The following CACNA1B variants were observed in gnomAD, a reference collection of about 807,000 sequenced individuals.
The protein encoded by CACNA1B is voltage-dependent N-type calcium channel subunit alpha-1B.
Under a neutral mutation model 247.2 loss-of-function variants are expected in CACNA1B, and 70 were observed. The observed-to-expected ratio is 0.28, with a 90% CI of 0.23 to 0.35. The LOEUF is 0.35. Ranked by LOEUF, CACNA1B falls within the 10% of genes least tolerant of loss-of-function variation. CACNA1B has a pLI of 1.00. For synonymous variants in CACNA1B, 1,231 were observed against 1,294.4 expected, an observed-to-expected ratio of 0.95 and a Z score of 1.05; for missense variants, 2,367 against 3,197.4, an observed-to-expected ratio of 0.74 and a Z score of 6.26.
chr9:137,961,228 G>A (rs1027113610), intron 10 of CACNA1B, among the ~76,000 whole-genome samples: 2 of 152,142 alleles, frequency 1.3e-5, no homozygotes, highest in African/African-American at 4.8e-5. Flanking sequence ...GAATGCTGGC[G>A]ATTTTTGAAC....
At chr9:138,092,094 A>G (rs188443204) in intron 36 of CACNA1B, among the ~76,000 whole-genome samples, 170 of 152,376 alleles carry the variant, frequency 1.1e-3, no homozygotes, top group Non-Finnish European at 2.8e-4. Context: ...GAGCAAGATC[A>G]CAAGGCCAGG....
intron 6 of CACNA1B, among the ~76,000 whole-genome samples, chr9:137,920,649 A>G (rs1957466975): frequency 6.6e-6 from 1 of 152,206 alleles, no homozygotes; most frequent in African/African-American, 2.4e-5. Flanking sequence ...CCATGTTTGG[A>G]GGCGCAGTGG....
chr9:138,054,223 G>A lies in CACNA1B; in HGVS notation c.3968+217G>A, dbSNP rs1959409354. On this transcript the variant is annotated intron_variant, in intron 26 of 46. Coordinates refer to ENST00000371372, the MANE Select transcript of CACNA1B (RefSeq NM_000718.4). The surrounding 1 kb of genome is among the most constrained non-coding windows in gnomAD (Gnocchi z 4.6). ...ATCCCCTCCCCAGCACCACACCAGG[G>A]ACCCCCAGCACTTCCTCCTCAGCAG... is the stretch of plus-strand genomic sequence containing the variant. 6.6e-6 allele frequency among the ~76,000 whole-genome samples: 1 copy of A among 152,210 alleles called. No individual in the cohort carries two copies. Among genetic ancestry groups the A allele is most frequent in the Admixed American group, 6.5e-5 (1 of 15,280 alleles).
chr9:138,058,327 A>G lies in CACNA1B; in HGVS notation c.4308+77A>G. The G allele has an allele frequency of 7.8e-7, 1 of 1,283,690 alleles. No homozygotes were observed. The highest frequency in any genetic ancestry group is 1.5e-5 in the African/African-American group (1 of 68,070). The allele number at this position is 1,283,690 out of a possible 1,614,324, so 79.5% of individuals were successfully genotyped here. ...CAGGCTTCCCTCCTGCACACAAATCACTCACAGCTGGGTCAGCTTTGGCTG... is the reference window on the plus strand; with the variant it reads ...CAGGCTTCCCTCCTGCACACAAATCGCTCACAGCTGGGTCAGCTTTGGCTG... On this transcript the variant is annotated intron_variant, in intron 28 of 46. Transcript: ENST00000371372. The surrounding 1 kb of genome is among the most constrained non-coding windows in gnomAD (Gnocchi z 4.7).
rs1554737971 is a variant in CACNA1B, at chr9:137,954,856, T to TG, written c.1071-842_1071-841insG. Among the ~76,000 whole-genome samples the TG allele has an allele frequency of 2.5e-5, 3 of 120,946 alleles. No homozygotes were observed. Among genetic ancestry groups the TG allele is most frequent in the African/African-American group, 1.2e-4 (3 of 25,258 alleles). The allele number at this position is 120,946 out of a possible 152,430, so 79.3% of individuals were successfully genotyped here. A position where few individuals can be genotyped will look rare whatever the true frequency, so the allele number is the denominator to read the frequency against. ...ACACCCACTCCACCAACTCAGAAGC[T>TG]TGTGTGTGTGTGTGTGTGTGTGTGA... On this transcript the variant is annotated intron_variant, in intron 7 of 46. Coordinates refer to ENST00000371372, the MANE Select transcript of CACNA1B (RefSeq NM_000718.4). The surrounding 1 kb of genome is among the most constrained non-coding windows in gnomAD (Gnocchi z 4.1).
intron 20 of CACNA1B, 127 bp downstream of exon 20, chr9:138,025,299 A>G: frequency 1.5e-6 from 1 of 650,556 alleles, no homozygotes; most frequent in Non-Finnish European, 2.8e-6. Context: ...TCCTGGCTGG[A>G]GAGAGAGTCC....
intron 15 of CACNA1B, among the ~76,000 whole-genome samples, chr9:137,999,729 A>G (rs990633566): frequency 3.3e-5 from 5 of 151,834 alleles, no homozygotes; most frequent in Non-Finnish European, 5.9e-5. Flanking sequence ...GCTGGTCTCA[A>G]ACTCAGTGGG....
chr9:138,114,289 G>A, intron 40 of CACNA1B, 89 bp from the exon 41 acceptor site: 1 of 688,488 alleles, frequency 1.5e-6, no homozygotes, highest in Non-Finnish European at 2.6e-6. Context: ...CGAGGGAGGG[G>A]CGGCTGTTTC....
At position 138,059,840 on chromosome 9, in the gene CACNA1B, G is replaced by A; in HGVS notation, c.4668+103G>A. The A allele has an allele frequency of 2.7e-6, 2 of 732,924 alleles. No homozygotes were observed. Among genetic ancestry groups the A allele is most frequent in the Non-Finnish European group, 2.5e-6 (1 of 407,422 alleles). The allele number at this position is 732,924 out of a possible 1,614,324, so 45.4% of individuals were successfully genotyped here. A position where few individuals can be genotyped will look rare whatever the true frequency, so the allele number is the denominator to read the frequency against. On this transcript the variant is annotated intron_variant, in intron 31 of 46. Coordinates refer to ENST00000371372, the MANE Select transcript of CACNA1B (RefSeq NM_000718.4). The surrounding 1 kb of genome is among the most constrained non-coding windows in gnomAD (Gnocchi z 4.2). Reference sequence around the variant, plus strand: ...AGGCCCTGTGTTAGCCTCTTCCTGGGTTCCGCAGAACCCCCTGGACATGTG... The same window carrying A: ...AGGCCCTGTGTTAGCCTCTTCCTGGATTCCGCAGAACCCCCTGGACATGTG...
In CACNA1B at chr9:138,052,077, G is replaced by C. The variant is rs372208736; in HGVS notation, c.3711-15G>C. On this transcript the variant is annotated splice_polypyrimidine_tract_variant and intron_variant, in intron 24 of 46. Transcript: ENST00000371372. The surrounding 1 kb of genome is among the most constrained non-coding windows in gnomAD (Gnocchi z 5.1). ...TGCCTCCTGCCTGTCTGCATCTGTGGCTTCTCCCTTCTAGAGGATCCAAAG... is the reference window on the plus strand; with the variant it reads ...TGCCTCCTGCCTGTCTGCATCTGTGCCTTCTCCCTTCTAGAGGATCCAAAG... 2 of 1,514,162 alleles carry C rather than the reference G, an allele frequency of 1.3e-6. No individual in the cohort carries two copies. Among genetic ancestry groups the C allele is most frequent in the East Asian group, 4.5e-5 (2 of 44,296 alleles). The allele number at this position is 1,514,162 out of a possible 1,614,324, so 93.8% of individuals were successfully genotyped here.
intron 20 of CACNA1B, among the ~76,000 whole-genome samples, chr9:138,034,683 T>C (rs1285027757): frequency 2.6e-5 from 4 of 152,106 alleles, no homozygotes; most frequent in Non-Finnish European, 4.4e-5. Flanking sequence ...AAGAAACTTA[T>C]TGTTGTGTCA....
chr9:137,888,880 A>T lies in CACNA1B; in HGVS notation c.530+5997A>T. ...GCTCAGGGCCCCACAGAGGGTCCCC[A>T]TGGGCAAGGAGGGTCCACCCAGGGG... is the stretch of plus-strand genomic sequence containing the variant. On this transcript the variant is annotated intron_variant, in intron 3 of 46. Coordinates refer to ENST00000371372, the MANE Select transcript of CACNA1B (RefSeq NM_000718.4). The surrounding 1 kb of genome is among the most constrained non-coding windows in gnomAD (Gnocchi z 4.7). Among the ~76,000 whole-genome samples the T allele has an allele frequency of 6.6e-6, 1 of 152,080 alleles. No individual in the cohort carries two copies. The highest frequency in any genetic ancestry group is 1.9e-4 in the East Asian group (1 of 5,198).
At chr9:138,042,132 A>C (rs1589088020) in intron 20 of CACNA1B, among the ~76,000 whole-genome samples, 1 of 152,210 alleles carries the variant, frequency 6.6e-6, no homozygotes, top group Non-Finnish European at 1.5e-5. Context: ...TTACTTAGTC[A>C]GTTTATGGTT....
intron 36 of CACNA1B, among the ~76,000 whole-genome samples, chr9:138,094,457 A>AAAAAGAAG (rs752912258): frequency 3.0e-5 from 4 of 134,886 alleles, no homozygotes; most frequent in Non-Finnish European, 6.5e-5. Context: ...AAAAAAAAAA[A>AAAAAGAAG]AAGAAGAAGA....
chr9:138,052,468 G>A lies in CACNA1B; in HGVS notation c.3807+280G>A, dbSNP rs1224144902. On this transcript the variant is annotated intron_variant, in intron 25 of 46. Coordinates refer to ENST00000371372, the MANE Select transcript of CACNA1B (RefSeq NM_000718.4). This position sits in a 1 kb window ranked among gnomAD's most constrained non-coding sequence, Gnocchi z 5.1. ...AGTGCAGTGCGGGAAAGGCTGCCGG[G>A]ACAGGTGCAGGGTGGTGGAGGGAGA... Among the ~76,000 whole-genome samples, 3 of 152,164 alleles carry A rather than the reference G, an allele frequency of 2.0e-5. No individual in the cohort carries two copies. The highest frequency in any genetic ancestry group is 4.4e-5 in the Non-Finnish European group (3 of 68,028).
intron 6 of CACNA1B, among the ~76,000 whole-genome samples, chr9:137,924,706 T>G (rs182162091): frequency 6.6e-6 from 1 of 152,382 alleles, no homozygotes; most frequent in Admixed American, 6.5e-5. Context: ...GTTTGATTTC[T>G]TTCATTAGCA....
chr9:137,901,650 C>T (rs1458642277), intron 3 of CACNA1B, among the ~76,000 whole-genome samples: 1 of 151,388 alleles, frequency 6.6e-6, no homozygotes, highest in East Asian at 1.9e-4. Context: ...GTTTGTATTC[C>T]ACCAGTTCTG....
chr9:138,000,678 A>G (rs1958566124), intron 15 of CACNA1B, among the ~76,000 whole-genome samples: 1 of 152,198 alleles, frequency 6.6e-6, no homozygotes, highest in Non-Finnish European at 1.5e-5. Context: ...TGCAAGGACA[A>G]TTTAAGACAA....
rs1002319771 is a variant in CACNA1B at position 138,025,035 on chromosome 9, A to T, written c.3149A>T (p.Lys1050Met). Residue 1050 changes from lysine to methionine, a missense_variant, in exon 20 of 47, where the codon AAG becomes ATG. By Grantham distance (95) the Lys-to-Met change is moderately conservative. Coordinates refer to ENST00000371372, the MANE Select transcript of CACNA1B (RefSeq NM_000718.4). ...ACACTGCCCAGCACCTGTCTCCAGA[A>T]GGTGGAGGAACAGCCAGAGGATGCA... ...MHTLPSTCLQ[K>M]VEEQPEDADN... 8.1e-6 allele frequency: 13 copies of T among 1,608,184 alleles called. No homozygotes were observed. In the African/African-American group the frequency reaches 1.7e-4, roughly 21 times the overall value.
Sources: gnomAD v4.1 joint callset for allele counts (sites outside exome capture counted in the v4.1 genomes callset) on GRCh38, gnomAD v4.1.1 for gene constraint, Gnocchi (gnomAD v3.1) non-coding constraint, MANE v1.5 for transcripts, NCBI Gene and HGNC (gene_info 2026-07-23, HGNC 2026-07-21) for gene names.